Variants in GRIK4 observed in about 807,000 individuals in gnomAD.
The protein encoded by GRIK4 is glutamate receptor ionotropic, kainate 4.
Under a neutral mutation model 104.9 loss-of-function variants are expected in GRIK4, and 40 were observed. The observed-to-expected ratio is 0.38, with a 90% CI of 0.30 to 0.50. The LOEUF is 0.50. Among genes scored for constraint, GRIK4 ranks in the 20% least tolerant of loss-of-function variants. The probability of loss-of-function intolerance (pLI) is 0.93; values close to 1 mark genes in which losing one functional copy is unlikely to be tolerated. For missense variants in GRIK4, 1,047 were observed against 1,308.1 expected (o/e 0.80, Z 3.08); for synonymous variants, 485 against 524.9 (o/e 0.92, Z 1.04).
chr11:120,931,540 C>G (rs1397304092), intron 13 of GRIK4, among the ~76,000 whole-genome samples: 1 of 152,190 alleles, frequency 6.6e-6, no homozygotes, highest in Admixed American at 6.5e-5. Context: ...CATGCAGACT[C>G]TGAAGCCAAA....
chr11:120,842,000 C>T (rs1184456328), intron 8 of GRIK4, among the ~76,000 whole-genome samples: 1 of 152,200 alleles, frequency 6.6e-6, no homozygotes, highest in East Asian at 1.9e-4. Context: ...AGTTCAGGAG[C>T]TTATGAGCTG....
At chr11:120,772,635 G>A (rs528682990) in intron 3 of GRIK4, among the ~76,000 whole-genome samples, 73 of 152,150 alleles carry the variant, frequency 4.8e-4, no homozygotes, top group African/African-American at 1.8e-3. Context: ...AACAGGTGGT[G>A]TATGTGCGCG....
At chr11:120,703,768 G>A (rs1461207232) in intron 3 of GRIK4, among the ~76,000 whole-genome samples, 2 of 151,934 alleles carry the variant, frequency 1.3e-5, no homozygotes, top group East Asian at 1.9e-4. Context: ...TTACTATTTC[G>A]GTTGTGTCTG....
chr11:120,608,454 G>A (rs1948989939), intron 1 of GRIK4, among the ~76,000 whole-genome samples: 1 of 152,198 alleles, frequency 6.6e-6, no homozygotes, highest in Non-Finnish European at 1.5e-5. Flanking sequence ...GCCACACTCT[G>A]TGTGTGTGTG....
chr11:120,885,044 C>T (rs1486126670), intron 11 of GRIK4, among the ~76,000 whole-genome samples: 2 of 152,278 alleles, frequency 1.3e-5, no homozygotes, highest in Non-Finnish European at 2.9e-5. Flanking sequence ...ATTAATACAA[C>T]CAGCTTTCCC....
At chr11:120,793,364 C>T (rs541738017) in intron 3 of GRIK4, among the ~76,000 whole-genome samples, 2 of 151,840 alleles carry the variant, frequency 1.3e-5, no homozygotes, top group African/African-American at 2.4e-5. Context: ...ATAGGAGGGG[C>T]GGGCCTTGAC....
At chr11:120,672,080 T>C (rs144823736) in intron 3 of GRIK4, among the ~76,000 whole-genome samples, 1,997 of 152,286 alleles carry the variant, frequency 0.013, 43 homozygotes, top group African/African-American at 0.043. Context: ...CTTTGTTCTT[T>C]TTGCTTAGGA....
chr11:120,691,179 G>C lies in GRIK4; in HGVS notation c.82+30779G>C, dbSNP rs544621103. Among the ~76,000 whole-genome samples the C allele has an allele frequency of 3.5e-4, 54 of 152,322 alleles. No individual in the cohort carries two copies. In the South Asian group the frequency reaches 3.7e-3, roughly 11 times the overall value. ...TTCTCATTTTATCTCGGCATCTACTGTTTTCAATTCACCTACCCTAAACTT... is the reference window on the plus strand; with the variant it reads ...TTCTCATTTTATCTCGGCATCTACTCTTTTCAATTCACCTACCCTAAACTT... On this transcript the variant is annotated intron_variant, in intron 3 of 20. Coordinates refer to ENST00000527524, the MANE Select transcript of GRIK4 (RefSeq NM_014619.5).
Position 120,686,210 on chromosome 11 carries a change from C to A in GRIK4, c.82+25810C>A, listed in dbSNP as rs182588919. Among the ~76,000 whole-genome samples, 43 of 152,246 alleles carry A rather than the reference C, an allele frequency of 2.8e-4. 1 individual carries two copies. The highest frequency in any genetic ancestry group is 2.5e-3 in the Admixed American group (38 of 15,296). On this transcript the variant is annotated intron_variant, in intron 3 of 20. Transcript: ENST00000527524. ...ATCAATCTGAACCCAATTCTTCATA[C>A]CTATCCTGCATTTTTAAAGTGTGAC...
At chr11:120,628,876 CCCTT>C (rs1297232918) in intron 1 of GRIK4, among the ~76,000 whole-genome samples, 1 of 152,180 alleles carries the variant, frequency 6.6e-6, no homozygotes, top group African/African-American at 2.4e-5. Context: ...TTCCCTCCCT[CCCTT>C]CCTTCCTTTT....
chr11:120,926,418 ACTGTTC>A (rs1427112287), intron 13 of GRIK4, among the ~76,000 whole-genome samples: 1 of 152,218 alleles, frequency 6.6e-6, no homozygotes, highest in South Asian at 2.1e-4. Context: ...TGTTTCAGGC[ACTGTTC>A]TAAGTGCTTT....
At chr11:120,771,409 G>A (rs1022929630) in intron 3 of GRIK4, among the ~76,000 whole-genome samples, 27 of 152,216 alleles carry the variant, frequency 1.8e-4, no homozygotes, top group South Asian at 6.2e-4. Flanking sequence ...TAACTTGTGA[G>A]CAATGAAACT....
chr11:120,716,378 G>A (rs1013539048), intron 3 of GRIK4, among the ~76,000 whole-genome samples: 3 of 151,962 alleles, frequency 2.0e-5, no homozygotes, highest in Non-Finnish European at 4.4e-5. Flanking sequence ...CAAGTAGCTG[G>A]GATTACAGGC....
rs1236778754 is a variant in GRIK4, at chr11:120,952,627, C to T, written c.1591-228C>T. Among the ~76,000 whole-genome samples, 1 of 152,144 alleles carries T rather than the reference C, an allele frequency of 6.6e-6. No individual in the cohort carries two copies. The highest frequency in any genetic ancestry group is 6.5e-5 in the Admixed American group (1 of 15,282). ...CCTCACCCCAGGGAGTGGCATGGCC[C>T]CTGCTGCTGTTCTGTGTCACCTGCT... On this transcript the variant is annotated intron_variant, in intron 14 of 20. Transcript: ENST00000527524. This position sits in a 1 kb window ranked among gnomAD's most constrained non-coding sequence, Gnocchi z 5.2.
chr11:120,986,083 C>T lies in GRIK4; in HGVS notation c.2694C>T (p.Pro898=), dbSNP rs756211685. 70 of 1,511,588 alleles carry T rather than the reference C, an allele frequency of 4.6e-5. No individual in the cohort carries two copies. The highest frequency in any genetic ancestry group is 3.6e-5 in the Non-Finnish European group (41 of 1,136,038). The allele number at this position is 1,511,588 out of a possible 1,614,324, so 93.6% of individuals were successfully genotyped here. A position where few individuals can be genotyped will look rare whatever the true frequency, so the allele number is the denominator to read the frequency against. The stretch of plus-strand genomic sequence containing the variant: ...GGAAGCTGTGCGGGGCAGGGGAGCC[C>T]GACCAGCTCGCGCAGAGACTGGCGC... The part of the protein sequence containing the change: ...SNGKLCGAGE[P]DQLAQRLAQE... Residue 898 remains proline, a synonymous_variant, in exon 21 of 21, where the codon CCC becomes CCT. Coordinates refer to ENST00000527524, the MANE Select transcript of GRIK4 (RefSeq NM_014619.5).
intron 14 of GRIK4, among the ~76,000 whole-genome samples, chr11:120,950,279 G>C (rs1177859140): frequency 6.6e-6 from 1 of 152,174 alleles, no homozygotes; most frequent in African/African-American, 2.4e-5. Flanking sequence ...TTCTGGGGGA[G>C]CTTTGTTTAT....
intron 1 of GRIK4, among the ~76,000 whole-genome samples, chr11:120,554,289 A>G (rs939406777): frequency 6.6e-6 from 1 of 152,234 alleles, no homozygotes; most frequent in Non-Finnish European, 1.5e-5. Flanking sequence ...ACCGCTCTGG[A>G]TAGATGCTGG....
chr11:120,708,522 G>A (rs562865479), intron 3 of GRIK4, among the ~76,000 whole-genome samples: 2 of 152,122 alleles, frequency 1.3e-5, no homozygotes, highest in African/African-American at 4.8e-5. Context: ...CAGCTGGCAG[G>A]CTGGTCAGTA....
chr11:120,959,207 G>A (rs1333716731), intron 16 of GRIK4, among the ~76,000 whole-genome samples: 1 of 152,190 alleles, frequency 6.6e-6, no homozygotes, highest in Non-Finnish European at 1.5e-5. Context: ...ACAAGTAAAT[G>A]AGCTCAGAGA....
Sources: gnomAD v4.1 joint callset for allele counts (sites outside exome capture counted in the v4.1 genomes callset) on GRCh38, gnomAD v4.1.1 for gene constraint, Gnocchi (gnomAD v3.1) non-coding constraint, MANE v1.5 for transcripts, NCBI Gene and HGNC (gene_info 2026-07-23, HGNC 2026-07-21) for gene names.